Variants in STAG1 observed in about 807,000 individuals in gnomAD.
STAG1 encodes STAG1 cohesin complex component.
In STAG1, 26 loss-of-function variants were observed where a neutral mutation model predicts 170.9. The observed-to-expected ratio is 0.15, with a 90% CI of 0.11 to 0.21. The LOEUF is 0.21. STAG1 is among the 10% of genes least tolerant of loss of function. STAG1 has a pLI of 1.00. For synonymous variants in STAG1, 514 were observed against 497.7 expected (o/e 1.03, Z -0.44); for missense variants, 964 against 1,509.5 (o/e 0.64, Z 5.99).
intron 1 of STAG1, among the ~76,000 whole-genome samples, chr3:136,653,994 A>G (rs1175952223): frequency 6.6e-6 from 1 of 152,204 alleles, no homozygotes; most frequent in Non-Finnish European, 1.5e-5. Context: ...TTCTCAATAT[A>G]ATAAAGATGA....
chr3:136,423,954 C>G (rs1239070216), intron 16 of STAG1, among the ~76,000 whole-genome samples: 3 of 151,178 alleles, frequency 2.0e-5, no homozygotes, highest in African/African-American at 7.3e-5. Context: ...ACCTCTGCCT[C>G]CTGGGTTCTA....
At chr3:136,750,071 GAAA>G (rs1313074567) in intron 1 of STAG1, among the ~76,000 whole-genome samples, 2 of 151,902 alleles carry the variant, frequency 1.3e-5, no homozygotes, top group Non-Finnish European at 2.9e-5. Flanking sequence ...CAGAATCAAG[GAAA>G]AAAAGATTAA....
At chr3:136,751,192 T>G (rs935656437) in intron 1 of STAG1, among the ~76,000 whole-genome samples, 2 of 151,972 alleles carry the variant, frequency 1.3e-5, no homozygotes, top group Admixed American at 6.6e-5. Context: ...TTTGTTTTTT[T>G]TTTGTCTGTA....
At chr3:136,581,963 CCTTTTA>C (rs1269189566) in intron 4 of STAG1, among the ~76,000 whole-genome samples, 1 of 152,066 alleles carries the variant, frequency 6.6e-6, no homozygotes, top group Non-Finnish European at 1.5e-5. Context: ...TTCTTCTCTT[CCTTTTA>C]AAGTTTTCTT....
At chr3:136,419,303 G>T (rs1208190991) in intron 20 of STAG1, among the ~76,000 whole-genome samples, 1 of 152,122 alleles carries the variant, frequency 6.6e-6, no homozygotes, top group Non-Finnish European at 1.5e-5. Flanking sequence ...TTTGAATTTT[G>T]AAGTACTGAT....
At chr3:136,642,104 T>TA in intron 1 of STAG1, among the ~76,000 whole-genome samples, 1 of 152,240 alleles carries the variant, frequency 6.6e-6, no homozygotes, top group African/African-American at 2.4e-5. Context: ...TAGTGCTATG[T>TA]AAGTTCCCCC....
chr3:136,341,349 A>G lies in STAG1; in HGVS notation c.3557+92T>C, dbSNP rs530222872. Reference sequence around the variant, plus strand: ...ATCACGAATTATAATTTTAACTCCTAAGACCAAACATCAAAGAAACCCAAG... The same window carrying G: ...ATCACGAATTATAATTTTAACTCCTGAGACCAAACATCAAAGAAACCCAAG... On this transcript the variant is annotated intron_variant, in intron 31 of 33. Transcript: ENST00000383202. 9.0e-4 allele frequency: 752 copies of G among 836,220 alleles called. 6 individuals are homozygous for G. Among genetic ancestry groups the G allele is most frequent in the Middle Eastern group, 7.1e-3 (28 of 3,970 alleles). 51.8% of individuals were successfully genotyped at this position (836,220 alleles called of 1,614,324 possible). A position where few individuals can be genotyped will look rare whatever the true frequency, so the allele number is the denominator to read the frequency against.
chr3:136,557,424 A>C (rs1362771453), intron 5 of STAG1, among the ~76,000 whole-genome samples: 1 of 152,198 alleles, frequency 6.6e-6, no homozygotes, highest in Non-Finnish European at 1.5e-5. Context: ...TAAAAACCTA[A>C]ATTTGAAGGA....
chr3:136,378,301 C>A (rs1363297009), intron 22 of STAG1, among the ~76,000 whole-genome samples: 1 of 152,152 alleles, frequency 6.6e-6, no homozygotes. Flanking sequence ...TTGGAGAAAT[C>A]TTCATAGGAG....
chr3:136,589,531 A>G (rs1216864577), intron 4 of STAG1, among the ~76,000 whole-genome samples: 1 of 150,782 alleles, frequency 6.6e-6, no homozygotes, highest in East Asian at 2.0e-4. Context: ...AAAAACAAAA[A>G]ATAGGCCAGA....
chr3:136,678,548 T>C (rs1351676620), intron 1 of STAG1, among the ~76,000 whole-genome samples: 1 of 149,462 alleles, frequency 6.7e-6, no homozygotes, highest in Non-Finnish European at 1.5e-5. Context: ...AAAAATCTTA[T>C]AGGAAAACAG....
chr3:136,598,113 C>G (rs1357987887), intron 4 of STAG1, among the ~76,000 whole-genome samples: 1 of 152,104 alleles, frequency 6.6e-6, no homozygotes. Context: ...TAATATTAAA[C>G]CATCTCGGTA....
At chr3:136,701,440 G>A (rs1943057978) in intron 1 of STAG1, among the ~76,000 whole-genome samples, 2 of 151,990 alleles carry the variant, frequency 1.3e-5, no homozygotes. Flanking sequence ...AAGGAAAATA[G>A]TCTCTATAAA....
At chr3:136,702,107 G>C (rs549336808) in intron 1 of STAG1, among the ~76,000 whole-genome samples, 71 of 84,246 alleles carry the variant, frequency 8.4e-4, no homozygotes, top group South Asian at 1.4e-3. Context: ...GAGAGAGAGA[G>C]AGAGAGAGAG....
intron 3 of STAG1, among the ~76,000 whole-genome samples, chr3:136,611,120 C>A (rs1490173702): frequency 6.6e-6 from 1 of 152,076 alleles, no homozygotes; most frequent in Non-Finnish European, 1.5e-5. Flanking sequence ...TCACATATAC[C>A]TTACACACAC....
chr3:136,629,366 T>C lies in STAG1; in HGVS notation c.29+1504A>G, dbSNP rs143260738. On this transcript the variant is annotated intron_variant, in intron 2 of 33. Coordinates refer to ENST00000383202, the MANE Select transcript of STAG1 (RefSeq NM_005862.3). ...CATAAGACCTGAGCTAAGACTTAAA[T>C]AGATAGTGGCTTGGCCAGGTAAGGG... is the stretch of plus-strand genomic sequence containing the variant. Among the ~76,000 whole-genome samples the C allele has an allele frequency of 5.3e-3, 800 of 152,042 alleles. 9 individuals are homozygous for C. Among genetic ancestry groups the C allele is most frequent in the African/African-American group, 0.018 (745 of 41,466 alleles).
chr3:136,478,578 C>CA (rs1241617519), intron 9 of STAG1, among the ~76,000 whole-genome samples: 1 of 152,070 alleles, frequency 6.6e-6, no homozygotes, highest in East Asian at 1.9e-4. Flanking sequence ...TTACAAAAGG[C>CA]AATAATCTAT....
chr3:136,652,204 T>C (rs563438824), intron 1 of STAG1, among the ~76,000 whole-genome samples: 2 of 152,304 alleles, frequency 1.3e-5, no homozygotes, highest in Admixed American at 6.5e-5. Flanking sequence ...AGTCATAACT[T>C]ATACAATTCT....
At chr3:136,389,636 C>T (rs953874787) in intron 22 of STAG1, among the ~76,000 whole-genome samples, 2 of 152,050 alleles carry the variant, frequency 1.3e-5, no homozygotes, top group Admixed American at 6.6e-5. Flanking sequence ...TCTCCTGCCT[C>T]GGCCTTCTGA....
Sources: gnomAD v4.1 joint callset for allele counts (sites outside exome capture counted in the v4.1 genomes callset) on GRCh38, gnomAD v4.1.1 for gene constraint, MANE v1.5 for transcripts, NCBI Gene and HGNC (gene_info 2026-07-23, HGNC 2026-07-21) for gene names.